The following NCOA2 variants were observed in gnomAD, a reference collection of about 807,000 sequenced individuals.
The protein encoded by NCOA2 is nuclear receptor coactivator 2, also known as class E basic helix-loop-helix protein 75.
In NCOA2, 21 loss-of-function variants were observed where a neutral mutation model predicts 145.1. That is an observed-to-expected ratio of 0.14 (90% CI 0.10 to 0.21). The LOEUF (loss-of-function observed/expected upper bound fraction) is 0.21. Ranked by LOEUF, NCOA2 falls within the 10% of genes least tolerant of loss-of-function variation. The pLI is 1.00. For missense variants in NCOA2, 1,472 were observed against 1,837.6 expected (o/e 0.80, Z 3.64); for synonymous variants, 619 against 637.5 (o/e 0.97, Z 0.44).
At chr8:70,121,552 C>T (rs1338582468) in intron 21 of NCOA2, among the ~76,000 whole-genome samples, 161 bp from the exon 22 acceptor site, 2 of 152,202 alleles carry the variant, frequency 1.3e-5, no homozygotes, top group Admixed American at 6.5e-5. Context: ...CTCCCATGTA[C>T]GTATTTTGCG....
At chr8:70,442,238 TC>T in the NCOA2 span, among the ~76,000 whole-genome samples, 2 of 152,160 alleles carry the variant, frequency 1.3e-5, no homozygotes, top group Non-Finnish European at 2.9e-5. Context: ...CAGGTAATGT[TC>T]CCATTAAAGT....
intron 4 of NCOA2, among the ~76,000 whole-genome samples, chr8:70,193,031 C>T (rs955330985): frequency 9.4e-5 from 13 of 138,602 alleles, no homozygotes; most frequent in African/African-American, 3.5e-4. Context: ...TGCACCACTG[C>T]ACTCCAGCCT....
intron 2 of NCOA2, among the ~76,000 whole-genome samples, chr8:70,235,094 G>C (rs1821479826): frequency 6.6e-6 from 1 of 152,156 alleles, no homozygotes; most frequent in Admixed American, 6.5e-5. Context: ...ATCAACATAT[G>C]AATAAACAAA....
At chr8:70,151,376 C>T (rs1811731951) in intron 11 of NCOA2, among the ~76,000 whole-genome samples, 1 of 152,028 alleles carries the variant, frequency 6.6e-6, no homozygotes, top group Non-Finnish European at 1.5e-5. Flanking sequence ...CAACCTCCGC[C>T]TCCCAGGTTC....
the NCOA2 span, among the ~76,000 whole-genome samples, chr8:70,448,652 C>T: frequency 6.6e-6 from 1 of 152,284 alleles, no homozygotes; most frequent in South Asian, 2.1e-4. Flanking sequence ...CAGACACACA[C>T]ACCACTTACA....
At chr8:70,283,574 G>T (rs1826034916) in intron 2 of NCOA2, among the ~76,000 whole-genome samples, 1 of 152,144 alleles carries the variant, frequency 6.6e-6, no homozygotes, top group Non-Finnish European at 1.5e-5. Flanking sequence ...AAAGAGCCCA[G>T]CCTTAACTTT....
At chr8:70,145,650 ACT>A (rs1810976395) in intron 12 of NCOA2, among the ~76,000 whole-genome samples, 1 of 135,780 alleles carries the variant, frequency 7.4e-6, no homozygotes, top group Non-Finnish European at 1.6e-5. Flanking sequence ...ACAGGGTCTC[ACT>A]CTGTTGTGCC....
intron 1 of NCOA2, among the ~76,000 whole-genome samples, chr8:70,314,751 G>T (rs1296477339): frequency 6.6e-6 from 1 of 152,162 alleles, no homozygotes; most frequent in African/African-American, 2.4e-5. Flanking sequence ...CTGTATTATT[G>T]TATGTGTGAA....
chr8:70,331,289 G>C (rs937901746), intron 1 of NCOA2, among the ~76,000 whole-genome samples: 3 of 151,988 alleles, frequency 2.0e-5, no homozygotes, highest in Non-Finnish European at 4.4e-5. Context: ...CAACACAATA[G>C]AGTATAGCAC....
chr8:70,276,794 T>C (rs539708885), intron 2 of NCOA2, among the ~76,000 whole-genome samples: 30 of 152,304 alleles, frequency 2.0e-4, no homozygotes, highest in African/African-American at 7.0e-4. Flanking sequence ...TGAGGACTAA[T>C]ATATACACCC....
At chr8:70,117,455 G>A (rs893711157) in intron 22 of NCOA2, among the ~76,000 whole-genome samples, 1 of 152,214 alleles carries the variant, frequency 6.6e-6, no homozygotes, top group Non-Finnish European at 1.5e-5. Flanking sequence ...GAATCCCAAT[G>A]CCTGAGGCTG....
intron 18 of NCOA2, among the ~76,000 whole-genome samples, chr8:70,127,345 C>T (rs1410206719): frequency 6.6e-6 from 1 of 152,142 alleles, no homozygotes; most frequent in African/African-American, 2.4e-5. Context: ...CTCAAAATAA[C>T]ACAGTCCTTT....
intron 1 of NCOA2, among the ~76,000 whole-genome samples, chr8:70,309,246 G>C (rs552448968): frequency 6.6e-6 from 1 of 151,790 alleles, no homozygotes; most frequent in Admixed American, 6.6e-5. Flanking sequence ...TCCCTATTGT[G>C]CCCTGTCCAA....
intron 1 of NCOA2, among the ~76,000 whole-genome samples, chr8:70,327,771 A>T (rs1031355856): frequency 5.9e-5 from 9 of 152,218 alleles, no homozygotes; most frequent in African/African-American, 2.2e-4. Flanking sequence ...AGAGAGTTTT[A>T]AAAAAGCTGA....
chr8:70,357,387 C>A (rs1195570249), intron 1 of NCOA2: 1 of 152,072 alleles, frequency 6.6e-6, no homozygotes, highest in African/African-American at 2.4e-5. Flanking sequence ...TAACTGATCA[C>A]AACCATTTAC....
At chr8:70,145,783 C>A (rs1810991733) in intron 12 of NCOA2, among the ~76,000 whole-genome samples, 1 of 152,122 alleles carries the variant, frequency 6.6e-6, no homozygotes, top group Non-Finnish European at 1.5e-5. Flanking sequence ...GTAAGTACCA[C>A]CAGGTCTGGC....
At chr8:70,222,272 A>G (rs1820207897) in intron 2 of NCOA2, among the ~76,000 whole-genome samples, 1 of 152,192 alleles carries the variant, frequency 6.6e-6, no homozygotes, top group Non-Finnish European at 1.5e-5. Flanking sequence ...AATAAGATAG[A>G]CACAAACCAC....
chr8:70,279,235 G>A (rs1012886114), intron 2 of NCOA2, among the ~76,000 whole-genome samples: 1 of 152,088 alleles, frequency 6.6e-6, no homozygotes, highest in African/African-American at 2.4e-5. Context: ...ATTACCCGCA[G>A]TAGGTGCTTC....
rs73684283 is a variant in NCOA2, at chr8:70,354,230, A to C, written c.-77+49470T>G. Among the ~76,000 whole-genome samples, 566 of 152,326 alleles carry C rather than the reference A, an allele frequency of 3.7e-3. 8 individuals are homozygous for C. The highest frequency in any genetic ancestry group is 0.013 in the African/African-American group (550 of 41,576). ...CTGTTTTTATAAAAGTGATTTAAAC[A>C]GTTATTTTTAAAAATCACCACTATG... On this transcript the variant is annotated intron_variant, in intron 1 of 22. Coordinates refer to ENST00000452400, the MANE Select transcript of NCOA2 (RefSeq NM_006540.4).
Sources: gnomAD v4.1 joint callset for allele counts (sites outside exome capture counted in the v4.1 genomes callset) on GRCh38, gnomAD v4.1.1 for gene constraint, MANE v1.5 for transcripts, NCBI Gene and HGNC (gene_info 2026-07-23, HGNC 2026-07-21) for gene names.